AK9: variants seen among roughly 807,000 people sequenced by gnomAD.
AK9 encodes the protein adenylate kinase domain containing 1.
In AK9, 191 loss-of-function variants were observed where a neutral mutation model predicts 239.6. The observed-to-expected ratio is 0.80, with a 90% CI of 0.71 to 0.90. AK9 has a LOEUF of 0.90. Among genes scored for constraint, AK9 ranks in the 40% least tolerant of loss-of-function variants. AK9 has a pLI of 0.00. For missense variants in AK9, 1,995 were observed against 2,214.7 expected (o/e 0.90, Z 1.99); for synonymous variants, 689 against 721.0 (o/e 0.96, Z 0.71).
At chr6:109,552,820 G>GT (rs1178250558) in intron 24 of AK9, among the ~76,000 whole-genome samples, 2 of 151,944 alleles carry the variant, frequency 1.3e-5, no homozygotes, top group East Asian at 1.9e-4. Context: ...TTTCTTCTAC[G>GT]TTTTTTTATG....
At chr6:109,600,593 A>C (rs2128228070) in intron 17 of AK9, among the ~76,000 whole-genome samples, 1 of 152,296 alleles carries the variant, frequency 6.6e-6, no homozygotes, top group Non-Finnish European at 1.5e-5. Flanking sequence ...CTGGCCTCAT[A>C]AAATGACTTA....
In AK9 at chr6:109,547,903, T is replaced by C. The variant is rs536693028; in HGVS notation, c.2965-1776A>G. On this transcript the variant is annotated intron_variant, in intron 25 of 40. Transcript: ENST00000424296. ...GATTTAACAATGGGGAAAAAAGACC[T>C]GAACAGACATTTCTCAAAAGAACAC... is the stretch of plus-strand genomic sequence containing the variant. Among the ~76,000 whole-genome samples, 17 of 144,604 alleles carry C rather than the reference T, an allele frequency of 1.2e-4. No individual in the cohort carries two copies. The Middle Eastern group carries it at 0.011, about 93-fold the overall frequency. 94.9% of individuals were successfully genotyped at this position (144,604 alleles called of 152,430 possible).
At chr6:109,612,603 G>A (rs1199850652) in intron 15 of AK9, among the ~76,000 whole-genome samples, 5 of 152,116 alleles carry the variant, frequency 3.3e-5, no homozygotes, top group Non-Finnish European at 7.4e-5. Flanking sequence ...GCTGTCAGCT[G>A]CCATCTGATG....
intron 12 of AK9, among the ~76,000 whole-genome samples, chr6:109,626,249 A>T (rs1795514153): frequency 6.6e-6 from 1 of 152,156 alleles, no homozygotes; most frequent in Non-Finnish European, 1.5e-5. Context: ...CATTATTTAT[A>T]ATAGCCACTT....
At chr6:109,547,165 T>A (rs374081360) in intron 25 of AK9, among the ~76,000 whole-genome samples, 14 of 152,138 alleles carry the variant, frequency 9.2e-5, no homozygotes, top group Non-Finnish European at 2.1e-4. Flanking sequence ...GGCACAACCA[T>A]CCACATACTT....
chr6:109,621,880 C>G (rs985588564), intron 12 of AK9, among the ~76,000 whole-genome samples: 2 of 74,714 alleles, frequency 2.7e-5, no homozygotes, highest in African/African-American at 1.2e-4. Context: ...TACCCTAAAA[C>G]TTAAAGTATA....
chr6:109,620,237 G>A (rs1037916610), intron 12 of AK9, among the ~76,000 whole-genome samples: 1 of 151,964 alleles, frequency 6.6e-6, no homozygotes, highest in African/African-American at 2.4e-5. Flanking sequence ...CCATCAAACT[G>A]TTTCCAAAAC....
intron 27 of AK9, among the ~76,000 whole-genome samples, chr6:109,535,126 T>C (rs1412845875): frequency 1.3e-5 from 2 of 152,210 alleles, no homozygotes; most frequent in African/African-American, 4.8e-5. Flanking sequence ...TACCCAGTAA[T>C]GGGATGGCTG....
intron 16 of AK9, 98 bp from the exon 17 acceptor site, chr6:109,610,611 GTAT>G (rs1793461981): frequency 1.6e-6 from 2 of 1,283,916 alleles, no homozygotes; most frequent in Admixed American, 2.6e-5. Context: ...ACCCAAGAAA[GTAT>G]TATTTTCATG....
In AK9 at chr6:109,529,022, T is replaced by C. The variant is rs762389245; in HGVS notation, c.3622A>G (p.Lys1208Glu). Residue 1208 changes from lysine to glutamate, a missense_variant, in exon 29 of 41, where the codon AAA (lysine) becomes GAA (glutamate). By Grantham distance (56) the Lys-to-Glu change is moderately conservative (BLOSUM62 1). This residue lies in a region of AK9 where 1,290 missense variants were observed against 1,392.7 expected (regional missense o/e 0.93). Coordinates refer to ENST00000424296, the MANE Select transcript of AK9 (RefSeq NM_001145128.3). ...ACAAAACTACTTACCTCCCTCCTTT[T>C]TTTATCTCTCTCTAATATAAGTTCA... ...RAELILERDK[K>E]RRENVVRDDE... is the part of the protein sequence containing the mutation. 1.9e-6 allele frequency: 3 copies of C among 1,604,700 alleles called. No individual in the cohort carries two copies. In the South Asian group the frequency reaches 3.3e-5, roughly 18 times the overall value.
At chr6:109,584,552 C>T (rs1388085136) in intron 19 of AK9, among the ~76,000 whole-genome samples, 1 of 152,066 alleles carries the variant, frequency 6.6e-6, no homozygotes, top group East Asian at 1.9e-4. Context: ...ATCTGAAGGA[C>T]TTATAGTTTA....
intron 24 of AK9, among the ~76,000 whole-genome samples, chr6:109,556,160 C>T (rs1582988877): frequency 1.3e-5 from 2 of 152,072 alleles, no homozygotes; most frequent in East Asian, 1.9e-4. Context: ...TTTTCCTTTC[C>T]AGTACATATT....
chr6:109,554,525 CTTTTTTTTTTTTTTT>C (rs3060760), intron 24 of AK9, among the ~76,000 whole-genome samples: 4,372 of 77,698 alleles, frequency 0.056, 307 homozygotes, highest in African/African-American at 0.18. Context: ...TATTTCTTTT[CTTTTTTTTTTTTTTT>C]TTTTTTTTGG....
intron 6 of AK9, among the ~76,000 whole-genome samples, chr6:109,660,641 C>T (rs1800295325): frequency 6.6e-6 from 1 of 152,162 alleles, no homozygotes; most frequent in Non-Finnish European, 1.5e-5. Context: ...GGATACCCAC[C>T]TTCTAGGACC....
At chr6:109,664,143 G>T (rs1229560006) in intron 5 of AK9, among the ~76,000 whole-genome samples, 1 of 152,104 alleles carries the variant, frequency 6.6e-6, no homozygotes, top group African/African-American at 2.4e-5. Context: ...TTTCTAAACA[G>T]ATATTTTTTA....
In AK9 at chr6:109,659,224, T is replaced by C. The variant is rs377740456; in HGVS notation, c.630+4A>G. On this transcript the variant is annotated splice_donor_region_variant and intron_variant, in intron 7 of 40. Transcript: ENST00000424296. Reference sequence around the variant, plus strand: ...TGTATGGTAGTTACCTATTGAGATATTACCTCTTCTTCTTCTTGCTCTTCT... The same window carrying C: ...TGTATGGTAGTTACCTATTGAGATACTACCTCTTCTTCTTCTTGCTCTTCT... 3.9e-5 allele frequency: 61 copies of C among 1,574,364 alleles called. No individual in the cohort carries two copies. The highest frequency in any genetic ancestry group is 5.1e-5 in the Non-Finnish European group (60 of 1,167,548).
At chr6:109,607,487 T>A (rs1029868678) in intron 17 of AK9, among the ~76,000 whole-genome samples, 1 of 152,186 alleles carries the variant, frequency 6.6e-6, no homozygotes, top group Non-Finnish European at 1.5e-5. Flanking sequence ...GTATTAGGCA[T>A]TATAAGTAAT....
At chr6:109,569,919 C>T (rs1434960128) in intron 21 of AK9, among the ~76,000 whole-genome samples, 4 of 152,208 alleles carry the variant, frequency 2.6e-5, no homozygotes, top group Admixed American at 2.6e-4. Flanking sequence ...ACCCAGCCAT[C>T]CCATTACTGG....
intron 28 of AK9, among the ~76,000 whole-genome samples, chr6:109,531,616 T>G (rs1194256151): frequency 5.9e-5 from 9 of 152,192 alleles, no homozygotes; most frequent in Non-Finnish European, 1.5e-5. Context: ...CTGGCTCCTG[T>G]ACAGGACAGC....
Sources: gnomAD v4.1 joint callset for allele counts (sites outside exome capture counted in the v4.1 genomes callset) on GRCh38, gnomAD v4.1.1 for gene constraint, gnomAD v4.1.1 regional missense constraint, MANE v1.5 for transcripts, NCBI Gene and HGNC (gene_info 2026-07-23, HGNC 2026-07-21) for gene names.